SMAD3: variants seen among roughly 807,000 people sequenced by gnomAD.
SMAD3 encodes the protein MAD homolog 3.
In SMAD3, 12 loss-of-function variants were observed where a neutral mutation model predicts 51.8. That is an observed-to-expected ratio of 0.23 (90% CI 0.15 to 0.38). The LOEUF (loss-of-function observed/expected upper bound fraction) is 0.38, where lower values mean the gene tolerates loss of function less well. Ranked by LOEUF, SMAD3 falls within the 10% of genes least tolerant of loss-of-function variation. SMAD3 has a pLI of 1.00. For missense variants in SMAD3, 294 were observed against 565.6 expected (o/e 0.52, Z 4.87); for synonymous variants, 238 against 227.7 (o/e 1.05, Z -0.41).
Position 67,191,785 on chromosome 15 carries a change from G to C in SMAD3, c.*1249G>C, listed in dbSNP as rs757346607. The C allele has an allele frequency of 4.3e-6, 1 of 230,246 alleles. No individual in the cohort carries two copies. Among genetic ancestry groups the C allele is most frequent in the Non-Finnish European group, 8.6e-6 (1 of 116,174 alleles). The allele number at this position is 230,246 out of a possible 1,614,324, so 14.3% of individuals were successfully genotyped here. On this transcript the variant is annotated 3_prime_UTR_variant, in exon 9 of 9. Transcript: ENST00000327367. ...TTACACCTTTGAAAATTGCAGGCTTGGTACAAAGAGGTCTGTCATCTTCCC... is the reference window on the plus strand; with the variant it reads ...TTACACCTTTGAAAATTGCAGGCTTCGTACAAAGAGGTCTGTCATCTTCCC...
chr15:67,117,164 G>C (rs1961154279), intron 1 of SMAD3, among the ~76,000 whole-genome samples: 1 of 152,198 alleles, frequency 6.6e-6, no homozygotes, highest in South Asian at 2.1e-4. Flanking sequence ...GGAGTAGCTA[G>C]AAAGAGTAAT....
intron 1 of SMAD3, among the ~76,000 whole-genome samples, chr15:67,158,114 T>G (rs1329515892): frequency 1.3e-5 from 2 of 152,096 alleles, no homozygotes; most frequent in African/African-American, 2.4e-5. Context: ...GGGTCATAAA[T>G]AGACCATTTT....
intron 3 of SMAD3, 129 bp downstream of exon 3, chr15:67,165,513 G>T: frequency 3.5e-6 from 4 of 1,127,916 alleles, no homozygotes; most frequent in Non-Finnish European, 5.1e-6. Flanking sequence ...CACAGCTCTG[G>T]CCTGAGGGCC....
intron 1 of SMAD3, among the ~76,000 whole-genome samples, chr15:67,131,729 C>T (rs1961530969): frequency 6.6e-6 from 1 of 152,128 alleles, no homozygotes; most frequent in Non-Finnish European, 1.5e-5. Flanking sequence ...GAGTCCTGGT[C>T]CTCAAATGAA....
At chr15:67,136,915 G>A (rs1436672792) in intron 1 of SMAD3, among the ~76,000 whole-genome samples, 1 of 152,194 alleles carries the variant, frequency 6.6e-6, no homozygotes, top group East Asian at 1.9e-4. Flanking sequence ...TTGACCATAG[G>A]ATATGTGTCC....
At chr15:67,103,293 C>A (rs1261921837) in intron 1 of SMAD3, among the ~76,000 whole-genome samples, 3 of 152,196 alleles carry the variant, frequency 2.0e-5, no homozygotes, top group Admixed American at 6.5e-5. Flanking sequence ...CGTGTGGTTT[C>A]ACACAAGGCA....
chr15:67,098,291 C>T (rs1442724178), intron 1 of SMAD3, among the ~76,000 whole-genome samples: 3 of 150,614 alleles, frequency 2.0e-5, no homozygotes, highest in Non-Finnish European at 4.4e-5. Flanking sequence ...CCCCCCCACC[C>T]CACCACCCAA....
Position 67,190,605 on chromosome 15 carries a change from AACTCT to A in SMAD3, c.*74_*78del, listed in dbSNP as rs1396411390. 3 of 1,478,824 alleles carry A rather than the reference AACTCT, an allele frequency of 2.0e-6. No individual in the cohort carries two copies. The highest frequency in any genetic ancestry group is 2.3e-5 in the East Asian group (1 of 44,042). The allele number at this position is 1,478,824 out of a possible 1,614,324, so 91.6% of individuals were successfully genotyped here. ...CCATGCAGGAGGTGGAGAAAATTGG[AACTCT>A]ACTCAACCCATTGTTGTCAAGGAAG... On this transcript the variant is annotated 3_prime_UTR_variant, in exon 9 of 9. Transcript: ENST00000327367.
chr15:67,105,699 A>G (rs1960861632), intron 1 of SMAD3, among the ~76,000 whole-genome samples: 1 of 152,206 alleles, frequency 6.6e-6, no homozygotes, highest in Non-Finnish European at 1.5e-5. Flanking sequence ...AGGAGGGAGA[A>G]ACAGGAATGT....
At chr15:67,185,226 GCC>G (rs1963192417) in intron 7 of SMAD3, among the ~76,000 whole-genome samples, 1 of 152,170 alleles carries the variant, frequency 6.6e-6, no homozygotes, top group Non-Finnish European at 1.5e-5. Context: ...GCCCTGCTCT[GCC>G]CCCGCAGACC....
intron 5 of SMAD3, among the ~76,000 whole-genome samples, chr15:67,176,715 C>G (rs905090909): frequency 3.9e-5 from 6 of 152,198 alleles, no homozygotes; most frequent in Admixed American, 3.9e-4. Flanking sequence ...GTTAGGCTGG[C>G]AGGGGGCCAG....
intron 1 of SMAD3, among the ~76,000 whole-genome samples, chr15:67,128,600 C>A (rs1416029913): frequency 2.6e-5 from 4 of 151,954 alleles, no homozygotes; most frequent in Admixed American, 2.0e-4. Context: ...GAGCTGGGGT[C>A]TTGCTTTGTC....
chr15:67,184,979 A>G (rs1963185290), intron 7 of SMAD3, 115 bp downstream of exon 7: 2 of 1,343,818 alleles, frequency 1.5e-6, no homozygotes, highest in East Asian at 2.3e-5. Flanking sequence ...TTGCGTTGTC[A>G]ATCTGGAGGT....
rs1277072711 is a variant in SMAD3, at chr15:67,194,521, G to A, written c.*3985G>A. ...GATTTTTTTTTAATGCAGAAGTAAT[G>A]TATACTCTAGTATTCTGGTGTTTTT... On this transcript the variant is annotated 3_prime_UTR_variant, in exon 9 of 9. Transcript: ENST00000327367. The A allele has an allele frequency of 8.6e-6, 2 of 232,518 alleles. No homozygotes were observed. Among genetic ancestry groups the A allele is most frequent in the African/African-American group, 2.2e-5 (1 of 45,290 alleles). The allele number at this position is 232,518 out of a possible 1,614,324, so 14.4% of individuals were successfully genotyped here.
intron 1 of SMAD3, among the ~76,000 whole-genome samples, chr15:67,079,973 C>G (rs1302802831): frequency 6.6e-6 from 1 of 152,218 alleles, no homozygotes; most frequent in Non-Finnish European, 1.5e-5. Context: ...CTTCTAGAAT[C>G]TAGGGTGACT....
chr15:67,140,564 C>T (rs550965198), intron 1 of SMAD3, among the ~76,000 whole-genome samples: 2 of 152,302 alleles, frequency 1.3e-5, no homozygotes, highest in South Asian at 4.1e-4. Flanking sequence ...CTTGGTATGA[C>T]AGGTGGGTCT....
chr15:67,092,443 G>A (rs930741291), intron 1 of SMAD3, among the ~76,000 whole-genome samples: 4 of 152,140 alleles, frequency 2.6e-5, no homozygotes, highest in East Asian at 1.9e-4. Flanking sequence ...GGCCAGCAGC[G>A]TCAGCATCAC....
At chr15:67,122,006 A>C (rs1397846430) in intron 1 of SMAD3, among the ~76,000 whole-genome samples, 1 of 152,198 alleles carries the variant, frequency 6.6e-6, no homozygotes, top group Non-Finnish European at 1.5e-5. Context: ...CCTCAGTCAC[A>C]CCAGCCGCAT....
chr15:67,131,654 C>G (rs1266168895), intron 1 of SMAD3, among the ~76,000 whole-genome samples: 7 of 152,106 alleles, frequency 4.6e-5, no homozygotes, highest in Admixed American at 4.6e-4. Context: ...GATTTCAGTC[C>G]CAGCCTCTCT....
Sources: allele counts gnomAD v4.1 joint callset (sites outside exome capture counted in the v4.1 genomes callset), GRCh38; gene constraint gnomAD v4.1.1; transcripts MANE v1.5; gene names NCBI Gene and HGNC (gene_info 2026-07-23, HGNC 2026-07-21).